TGFBI: variants seen among roughly 807,000 people sequenced by gnomAD.
TGFBI encodes the protein transforming growth factor-beta-induced protein ig-h3.
Under a neutral mutation model 73.7 loss-of-function variants are expected in TGFBI, and 50 were observed. The ratio of observed to expected loss-of-function variants is 0.68; its 90% CI spans 0.54 to 0.86. TGFBI has a LOEUF of 0.86. Ranked by LOEUF, TGFBI falls within the 40% of genes least tolerant of loss-of-function variation. TGFBI has a pLI of 0.00. For synonymous variants in TGFBI, 362 were observed against 360.5 expected, an observed-to-expected ratio of 1.00 and a Z score of -0.05; for missense variants, 839 against 877.0, an observed-to-expected ratio of 0.96 and a Z score of 0.55.
chr5:136,029,712 C>A (rs896823125), intron 1 of TGFBI, among the ~76,000 whole-genome samples: 8 of 152,140 alleles, frequency 5.3e-5, no homozygotes, highest in African/African-American at 1.9e-4. Flanking sequence ...TGCTGGCACC[C>A]GACACTGCTC....
intron 7 of TGFBI, chr5:136,049,840 C>T: frequency 2.5e-6 from 1 of 399,818 alleles, no homozygotes; most frequent in Non-Finnish European, 4.6e-6. Context: ...GCTGGAGACC[C>T]ATAGCTGGCC....
chr5:136,052,570 C>T (rs940127363), intron 7 of TGFBI, among the ~76,000 whole-genome samples: 3 of 152,226 alleles, frequency 2.0e-5, no homozygotes, highest in Non-Finnish European at 2.9e-5. Context: ...GGCCCCGTGC[C>T]GAGTGCTTTA....
chr5:136,053,734 C>G (rs1340970304), intron 8 of TGFBI, among the ~76,000 whole-genome samples: 1 of 152,202 alleles, frequency 6.6e-6, no homozygotes, highest in Non-Finnish European at 1.5e-5. Flanking sequence ...TAACTGAGCT[C>G]ACCTCTCCTC....
intron 6 of TGFBI, 127 bp downstream of exon 6, chr5:136,047,547 CT>C (rs1751453962): frequency 8.9e-7 from 1 of 1,120,710 alleles, no homozygotes; most frequent in Non-Finnish European, 1.3e-6. Context: ...GCAGGTTCCC[CT>C]GAATGCCCTT....
At position 136,056,805 on chromosome 5, in the gene TGFBI, A is replaced by T; in HGVS notation, c.1678+10A>T. The T allele has an allele frequency of 6.2e-7, 1 of 1,610,388 alleles. No homozygotes were observed. Among genetic ancestry groups the T allele is most frequent in the East Asian group, 2.2e-5 (1 of 44,786 alleles). ...CGGAGCAGACTCTTGGGTAAAGACC[A>T]ACTTAAGTACACGTCTCCATTTTTC... On this transcript the variant is annotated intron_variant, in intron 12 of 16. Transcript: ENST00000442011.
intron 10 of TGFBI, chr5:136,055,217 A>C: frequency 3.9e-6 from 1 of 253,790 alleles, no homozygotes; most frequent in Non-Finnish European, 7.5e-6. Flanking sequence ...TCCTTGGTCC[A>C]AAAGGTGCCT....
intron 2 of TGFBI, among the ~76,000 whole-genome samples, chr5:136,035,884 C>G (rs45528637): frequency 0.027 from 4,051 of 152,136 alleles, 185 homozygotes; most frequent in African/African-American, 0.092. Flanking sequence ...TTTATGATGA[C>G]AAGCTGGCTA....
intron 2 of TGFBI, among the ~76,000 whole-genome samples, chr5:136,042,325 A>G (rs1447862519): frequency 6.6e-6 from 1 of 152,202 alleles, no homozygotes; most frequent in Non-Finnish European, 1.5e-5. Context: ...AAAATCATCT[A>G]GTTTAACTTC....
At chr5:136,053,191 A>T (rs990462638) in intron 8 of TGFBI, 72 bp downstream of exon 8, 4 of 1,467,850 alleles carry the variant, frequency 2.7e-6, no homozygotes, top group Non-Finnish European at 3.8e-6. Flanking sequence ...GTGGCGGGGG[A>T]GGGGAAATTC....
At chr5:136,039,547 C>T (rs1268404714) in intron 2 of TGFBI, among the ~76,000 whole-genome samples, 1 of 152,218 alleles carries the variant, frequency 6.6e-6, no homozygotes, top group East Asian at 1.9e-4. Flanking sequence ...GGGTCATCAA[C>T]CTTCTCCAGG....
intron 2 of TGFBI, among the ~76,000 whole-genome samples, chr5:136,035,316 T>C (rs574835702): frequency 6.6e-6 from 1 of 152,128 alleles, no homozygotes; most frequent in Non-Finnish European, 1.5e-5. Context: ...CCAGGATGCC[T>C]GACTTAAAAA....
rs750737209 is a variant in TGFBI, at chr5:136,061,492, C to G, written c.1907-8C>G. 5.0e-6 allele frequency: 8 copies of G among 1,595,792 alleles called. No individual in the cohort carries two copies. Among genetic ancestry groups the G allele is most frequent in the Middle Eastern group, 3.3e-4 (2 of 6,068 alleles). ...TCTGGTCAAACCTGCCTTTTCTTTC[C>G]TCTTCAGCCAACAGACCTCAGGAAA... is the stretch of plus-strand genomic sequence containing the variant. On this transcript the variant is annotated splice_region_variant and splice_polypyrimidine_tract_variant and intron_variant, in intron 14 of 16. Coordinates refer to ENST00000442011, the MANE Select transcript of TGFBI (RefSeq NM_000358.3).
intron 5 of TGFBI, 22 bp from the exon 6 acceptor site, chr5:136,047,252 T>A (rs774908985): frequency 6.2e-7 from 1 of 1,612,932 alleles, no homozygotes; most frequent in Admixed American, 1.7e-5. Flanking sequence ...TGACTGCTCA[T>A]CCTTGCTGCT....
In TGFBI at chr5:136,047,310, G is replaced by T; in HGVS notation, c.661G>T (p.Asp221Tyr). 6.2e-7 allele frequency: 1 copy of T among 1,613,790 alleles called. No individual in the cohort carries two copies. The highest frequency in any genetic ancestry group is 8.5e-7 in the Non-Finnish European group (1 of 1,179,860). The part of the protein sequence containing the change: ...TVNCARLLKA[D>Y]HHATNGVVHL... ...GAACTGTGCCCGGCTGCTGAAAGCC[G>T]ACCACCATGCAACCAACGGGGTGGT... Residue 221 changes from aspartate to tyrosine, a missense_variant, in exon 6 of 17, where the codon GAC becomes TAC. Physicochemically the swap from Asp to Tyr is radical, Grantham distance 160. Transcript: ENST00000442011.
intron 1 of TGFBI, among the ~76,000 whole-genome samples, chr5:136,032,675 C>T (rs1751142597): frequency 6.6e-6 from 1 of 152,170 alleles, no homozygotes; most frequent in Non-Finnish European, 1.5e-5. Context: ...TTGCTTTCCT[C>T]TGACTTGTGA....
intron 7 of TGFBI, among the ~76,000 whole-genome samples, chr5:136,050,645 C>T (rs968183529): frequency 2.0e-5 from 3 of 152,218 alleles, no homozygotes; most frequent in African/African-American, 7.2e-5. Context: ...CACTTTTCCT[C>T]TCAAACATAT....
rs759976271 is a variant in TGFBI, at chr5:136,044,097, C to A, written c.273C>A (p.Val91=). The change falls in exon 3 of 17, where the codon GTC becomes GTA. Residue 91 remains valine (V), a synonymous_variant. Coordinates refer to ENST00000442011, the MANE Select transcript of TGFBI (RefSeq NM_000358.3). ...SYECCPGYEK[V]PGEKGCPAAL... is the part of the protein sequence containing the mutation. Reference sequence around the variant, plus strand: ...AGTGCTGTCCTGGATATGAAAAGGTCCCTGGGGAGAAGGGCTGTCCAGCAG... The same window carrying A: ...AGTGCTGTCCTGGATATGAAAAGGTACCTGGGGAGAAGGGCTGTCCAGCAG... 6.2e-7 allele frequency: 1 copy of A among 1,612,976 alleles called. No homozygotes were observed. Among genetic ancestry groups the A allele is most frequent in the Non-Finnish European group, 8.5e-7 (1 of 1,179,368 alleles).
At chr5:136,031,974 G>A (rs1751129153) in intron 1 of TGFBI, among the ~76,000 whole-genome samples, 2 of 152,178 alleles carry the variant, frequency 1.3e-5, no homozygotes, top group Non-Finnish European at 2.9e-5. Context: ...TTCGCCAAAC[G>A]CCTACGGAAA....
intron 1 of TGFBI, among the ~76,000 whole-genome samples, chr5:136,031,656 A>G (rs1006206941): frequency 2.0e-5 from 3 of 152,252 alleles, no homozygotes; most frequent in African/African-American, 7.2e-5. Context: ...ATACTGAAAG[A>G]GAAGTAAAAA....
Sources: gnomAD v4.1 joint callset for allele counts (sites outside exome capture counted in the v4.1 genomes callset) on GRCh38, gnomAD v4.1.1 for gene constraint, MANE v1.5 for transcripts, NCBI Gene and HGNC (gene_info 2026-07-23, HGNC 2026-07-21) for gene names.